GSE1: variants seen among roughly 807,000 people sequenced by gnomAD.
GSE1 encodes Gse1 coiled-coil protein, also known as genetic suppressor element 1.
Under a neutral mutation model 112.6 loss-of-function variants are expected in GSE1, and 32 were observed. The observed-to-expected ratio is 0.28, with a 90% CI of 0.21 to 0.38. The LOEUF is 0.38. Ranked by LOEUF, GSE1 falls within the 10% of genes least tolerant of loss-of-function variation. The pLI is 1.00. For synonymous variants in GSE1, 1,115 were observed against 735.6 expected (o/e 1.52, Z -8.35); for missense variants, 2,348 against 1,699.2 (o/e 1.38, Z -6.71).
chr16:85,414,612 G>C (rs1345177045), intron 2 of GSE1, among the ~76,000 whole-genome samples: 1 of 152,128 alleles, frequency 6.6e-6, no homozygotes, highest in African/African-American at 2.4e-5. Flanking sequence ...GATATGCATA[G>C]ACATTAGTAT....
chr16:85,553,059 T>TC (rs985328137), upstream of GSE1, among the ~76,000 whole-genome samples: 11 of 151,990 alleles, frequency 7.2e-5, no homozygotes, highest in African/African-American at 1.2e-4. Context: ...CTTTTTTTTT[T>TC]CCCCCAAGTA....
chr16:85,669,072 C>A (rs926778847), intron 14 of GSE1, among the ~76,000 whole-genome samples: 1 of 152,250 alleles, frequency 6.6e-6, no homozygotes, highest in South Asian at 2.1e-4. Context: ...AGTGGGGCCA[C>A]GAAGTTGGGC....
chr16:85,340,361 C>T (rs994524922), intron 1 of GSE1, among the ~76,000 whole-genome samples: 7 of 152,044 alleles, frequency 4.6e-5, no homozygotes, highest in African/African-American at 1.7e-4. Flanking sequence ...AAAACAAAGG[C>T]GGGTATGGTG....
intron 1 of GSE1, among the ~76,000 whole-genome samples, chr16:85,331,501 GTATA>G (rs1169365095): frequency 8.4e-6 from 1 of 119,642 alleles, no homozygotes; most frequent in Non-Finnish European, 1.8e-5. Context: ...GTGTATATGT[GTATA>G]TATGTATATA....
intron 1 of GSE1, among the ~76,000 whole-genome samples, chr16:85,309,705 CT>C: frequency 6.6e-6 from 1 of 152,242 alleles, no homozygotes. Context: ...CCATTCTCAG[CT>C]GCTGTCTGAG....
chr16:85,321,278 G>T (rs2046102222), intron 1 of GSE1, among the ~76,000 whole-genome samples: 1 of 152,160 alleles, frequency 6.6e-6, no homozygotes. Context: ...TTGAAGTAAT[G>T]ATTTCTTCAG....
At chr16:85,628,151 G>A (rs2049238304) in intron 1 of GSE1, among the ~76,000 whole-genome samples, 1 of 152,228 alleles carries the variant, frequency 6.6e-6, no homozygotes, top group African/African-American at 2.4e-5. Context: ...CAAGGGAGCT[G>A]CGCCCGGCTG....
Position 85,629,635 on chromosome 16 carries a change from A to C in GSE1, c.8-4279A>C, listed in dbSNP as rs568985396. ...CTTCGCCTATCTGGGAAATAGGCCC[A>C]GTCCCAGCTTTCTCATAGGGCGGCC... On this transcript the variant is annotated intron_variant, in intron 1 of 15. Coordinates refer to ENST00000253458, the MANE Select transcript of GSE1 (RefSeq NM_014615.5). 3.9e-5 allele frequency among the ~76,000 whole-genome samples: 6 copies of C among 152,308 alleles called. No individual in the cohort carries two copies. In the South Asian group the frequency reaches 1.2e-3, roughly 32 times the overall value.
chr16:85,364,633 C>T (rs1250827876), intron 2 of GSE1, among the ~76,000 whole-genome samples: 2 of 152,138 alleles, frequency 1.3e-5, no homozygotes, highest in Non-Finnish European at 2.9e-5. Context: ...TTCCAGAGTG[C>T]CCTGATGTCC....
At chr16:85,522,964 A>C (rs1234199335) in intron 2 of GSE1, among the ~76,000 whole-genome samples, 1 of 151,548 alleles carries the variant, frequency 6.6e-6, no homozygotes. Context: ...GTGTGGGTGT[A>C]TGTTGTGTGT....
chr16:85,408,003 CT>C (rs1410327304), intron 2 of GSE1, among the ~76,000 whole-genome samples: 1 of 56,486 alleles, frequency 1.8e-5, no homozygotes, highest in African/African-American at 7.5e-5. Flanking sequence ...TCAGGGCCCC[CT>C]GGATAATCCT....
upstream of GSE1, among the ~76,000 whole-genome samples, chr16:85,552,017 T>G (rs1198299552): frequency 1.3e-5 from 2 of 151,928 alleles, no homozygotes; most frequent in African/African-American, 4.8e-5. Context: ...TGCACTCAAT[T>G]TCTTTCTTTC....
intron 2 of GSE1, among the ~76,000 whole-genome samples, chr16:85,444,722 G>T (rs2049465448): frequency 1.3e-5 from 2 of 152,084 alleles, no homozygotes; most frequent in Non-Finnish European, 2.9e-5. Flanking sequence ...TGCTAGAAAA[G>T]CTGCCTCCTG....
chr16:85,289,914 C>T (rs923394728), intron 1 of GSE1, among the ~76,000 whole-genome samples: 4 of 152,176 alleles, frequency 2.6e-5, no homozygotes, highest in Non-Finnish European at 5.9e-5. Context: ...TGCCTGACCT[C>T]TCTTTGGAAT....
intron 1 of GSE1, among the ~76,000 whole-genome samples, chr16:85,615,961 C>T (rs937277964): frequency 9.9e-5 from 15 of 152,252 alleles, no homozygotes; most frequent in Non-Finnish European, 2.1e-4. Context: ...AGGAAGCCTC[C>T]TCCGATGGCC....
At chr16:85,555,675 G>GCC (rs1244292810), upstream of GSE1, 6 of 344,800 alleles carry the variant, frequency 1.7e-5, no homozygotes, top group African/African-American at 1.8e-4. Flanking sequence ...CCCTCCCGCC[G>GCC]CCCCCCCCTT....
intron 1 of GSE1, among the ~76,000 whole-genome samples, chr16:85,337,368 C>G (rs1456207380): frequency 2.7e-5 from 4 of 148,806 alleles, no homozygotes; most frequent in African/African-American, 7.5e-5. Flanking sequence ...TGCAGTGGCG[C>G]GATCTCGGCT....
At chr16:85,472,156 T>G (rs550212810) in intron 2 of GSE1, among the ~76,000 whole-genome samples, 1 of 152,140 alleles carries the variant, frequency 6.6e-6, no homozygotes, top group African/African-American at 2.4e-5. Context: ...ATGTCCCTGT[T>G]GAGAAATCCT....
intron 2 of GSE1, among the ~76,000 whole-genome samples, chr16:85,444,816 G>T (rs530308582): frequency 1.3e-5 from 2 of 151,930 alleles, no homozygotes; most frequent in African/African-American, 4.8e-5. Context: ...CCTCTCCTCC[G>T]CCCCCTCCAG....
Sources: allele counts gnomAD v4.1 joint callset (sites outside exome capture counted in the v4.1 genomes callset), GRCh38; gene constraint gnomAD v4.1.1; transcripts MANE v1.5; gene names NCBI Gene and HGNC (gene_info 2026-07-23, HGNC 2026-07-21).